ZFX: variants seen among roughly 807,000 people sequenced by gnomAD.
ZFX encodes the protein zinc finger protein X-linked, also known as zinc finger X-chromosomal protein.
For missense variants in ZFX, 362 were observed against 628.3 expected, an observed-to-expected ratio of 0.58 and a Z score of 4.53; for synonymous variants, 196 against 226.8, an observed-to-expected ratio of 0.86 and a Z score of 1.22.
chrX:24,184,991 C>A (rs750895601), intron 5 of ZFX, among the ~76,000 whole-genome samples: 1 of 112,079 alleles, frequency 8.9e-6, no homozygotes, highest in Non-Finnish European at 1.9e-5. Flanking sequence ...CGCTCCCTTA[C>A]CCAGGCTGGG....
intron 5 of ZFX, among the ~76,000 whole-genome samples, chrX:24,197,956 A>G (rs1003991608): frequency 8.9e-6 from 1 of 111,895 alleles, no homozygotes; most frequent in Non-Finnish European, 1.9e-5. Context: ...TGGGGGAACT[A>G]TTTGGTATTG....
intron 3 of ZFX, among the ~76,000 whole-genome samples, chrX:24,171,905 G>GAGAGAGAGA (rs1491416209): frequency 2.4e-4 from 10 of 41,920 alleles, no homozygotes; most frequent in African/African-American, 7.7e-4. Context: ...AGAGAGAGAA[G>GAGAGAGAGA]GAGAGAGAGA....
intron 4 of ZFX, among the ~76,000 whole-genome samples, chrX:24,178,787 C>T (rs1423506306): frequency 9.0e-6 from 1 of 111,048 alleles, no homozygotes; most frequent in Non-Finnish European, 1.9e-5. Flanking sequence ...ACAATGTTAC[C>T]CAGGCTGGTC....
At chrX:24,167,981 G>C (rs1354579700) in intron 3 of ZFX, among the ~76,000 whole-genome samples, 1 of 111,495 alleles carries the variant, frequency 9.0e-6, no homozygotes, top group Non-Finnish European at 1.9e-5. Context: ...TACTGGCTTT[G>C]AGATGAATTT....
rs2148069063 is a variant in ZFX at position 24,211,495 on chromosome X, AATT to A, written c.*124_*126del. 3.5e-6 allele frequency: 3 copies of A among 866,579 alleles called. No homozygotes were observed. Among genetic ancestry groups the A allele is most frequent in the South Asian group, 5.4e-5 (2 of 36,985 alleles). The allele number at this position is 866,579 out of a possible 1,213,427, so 71.4% of individuals were successfully genotyped here. The stretch of plus-strand genomic sequence containing the variant: ...ATTGATTTATGCTGTGTACAAATAG[AATT>A]ATTACTTCTAGTTGACTTTTTTTTA... On this transcript the variant is annotated 3_prime_UTR_variant, in exon 10 of 10. Coordinates refer to ENST00000304543, the MANE Select transcript of ZFX (RefSeq NM_003410.4).
In ZFX at chrX:24,211,514, CTTT is replaced by C; in HGVS notation, c.*144_*146del. The C allele has an allele frequency of 2.5e-6, 2 of 786,659 alleles. No homozygotes were observed. The highest frequency in any genetic ancestry group is 3.5e-4 in the Middle Eastern group (1 of 2,853). The allele number at this position is 786,659 out of a possible 1,213,427, so 64.8% of individuals were successfully genotyped here. The stretch of plus-strand genomic sequence containing the variant: ...AAATAGAATTATTACTTCTAGTTGA[CTTT>C]TTTTTAAATATACATTTTGCTCAGT... On this transcript the variant is annotated 3_prime_UTR_variant, in exon 10 of 10. Transcript: ENST00000304543.
chrX:24,209,582 A>AT (rs371656374), intron 9 of ZFX, among the ~76,000 whole-genome samples: 23 of 110,264 alleles, frequency 2.1e-4, no homozygotes, highest in Admixed American at 4.8e-4. Context: ...TTATTTACTT[A>AT]TTTTTTTTTG....
At chrX:24,184,952 T>C (rs938165857) in intron 5 of ZFX, among the ~76,000 whole-genome samples, 26 of 82,099 alleles carry the variant, frequency 3.2e-4, no homozygotes, top group Non-Finnish European at 5.7e-4. Context: ...TCTTTTGTCT[T>C]CTCTATTATT....
intron 2 of ZFX, among the ~76,000 whole-genome samples, chrX:24,152,413 A>G (rs1661499138): frequency 9.0e-6 from 1 of 111,639 alleles, no homozygotes; most frequent in South Asian, 3.7e-4. Flanking sequence ...GATTACAGGC[A>G]TGAACCACCG....
chrX:24,208,330 A>C lies in ZFX; in HGVS notation c.1053A>C (p.Glu351Asp). Reference sequence around the variant, plus strand: ...ACGAGCAGCAAATGGATGACAATGAAATCAAAACCTTCATGCCGATTGCAT... The same window carrying C: ...ACGAGCAGCAAATGGATGACAATGACATCAAAACCTTCATGCCGATTGCAT... ...AVHEQQMDDN[E>D]IKTFMPIAWA... is the part of the protein sequence containing the mutation. The change falls in exon 8 of 10, where the codon GAA becomes GAC. Residue 351 changes from glutamate to aspartate, a missense_variant. Coordinates refer to ENST00000304543, the MANE Select transcript of ZFX (RefSeq NM_003410.4). 8.3e-7 allele frequency: 1 copy of C among 1,210,203 alleles called. No individual in the cohort carries two copies. The highest frequency in any genetic ancestry group is 1.1e-6 in the Non-Finnish European group (1 of 895,079).
At chrX:24,152,138 ATT>A (rs76741578) in intron 2 of ZFX, among the ~76,000 whole-genome samples, 2 of 100,095 alleles carry the variant, frequency 2.0e-5, no homozygotes, top group Non-Finnish European at 2.0e-5. Flanking sequence ...TCCCGTGGTA[ATT>A]TTTTTTTTTT....
intron 3 of ZFX, among the ~76,000 whole-genome samples, chrX:24,169,271 C>T (rs1052047151): frequency 9.0e-6 from 1 of 111,509 alleles, no homozygotes; most frequent in African/African-American, 3.3e-5. Context: ...AGGAAATGCA[C>T]GTGATGTAAA....
chrX:24,151,501 C>T (rs1484482752), intron 1 of ZFX, 190 bp from the exon 2 acceptor site: 1 of 110,891 alleles, frequency 9.0e-6, no homozygotes, highest in African/African-American at 3.3e-5. Context: ...TACAGTTTGG[C>T]AAAAGTGGAT....
At position 24,174,105 on chromosome X, in the gene ZFX, C is replaced by T. The variant is rs763088252; in HGVS notation, c.58+1305C>T. Among the ~76,000 whole-genome samples, 19 of 109,772 alleles carry T rather than the reference C, an allele frequency of 1.7e-4. No homozygotes were observed. In the East Asian group the frequency reaches 4.4e-3, roughly 25 times the overall value. ...GTGCACACTTGTAATCCCAGCTACT[C>T]GGGAGGCTGAGGCCTGAGAATCGGT... On this transcript the variant is annotated intron_variant, in intron 4 of 9. Coordinates refer to ENST00000304543, the MANE Select transcript of ZFX (RefSeq NM_003410.4).
chrX:24,149,557 G>A, upstream of ZFX: 1 of 111,310 alleles, frequency 9.0e-6, no homozygotes, highest in Non-Finnish European at 1.9e-5. Context: ...GGACCCACCG[G>A]GCGGAGGAGG....
chrX:24,211,202 G>T lies in ZFX; in HGVS notation c.2244G>T (p.Gln748His), dbSNP rs777469791. Residue 748 changes from glutamine (Q) to histidine (H), a missense_variant, in exon 10 of 10, where the codon CAG becomes CAT. Coordinates refer to ENST00000304543, the MANE Select transcript of ZFX (RefSeq NM_003410.4). ...MKTHSGRKVY[Q>H]CEYCEYSTTD... ...CACACAGTGGCAGGAAAGTGTATCAGTGTGAGTACTGTGAGTATAGCACTA... is the reference window on the plus strand; with the variant it reads ...CACACAGTGGCAGGAAAGTGTATCATTGTGAGTACTGTGAGTATAGCACTA... 9 of 1,212,378 alleles carry T rather than the reference G, an allele frequency of 7.4e-6. No homozygotes were observed. In the Admixed American group the frequency reaches 2.0e-4, roughly 26 times the overall value.
chrX:24,152,285 G>C (rs1001905013), intron 2 of ZFX, among the ~76,000 whole-genome samples: 1 of 109,718 alleles, frequency 9.1e-6, no homozygotes, highest in Non-Finnish European at 1.9e-5. Flanking sequence ...ACAGGACCCT[G>C]CCACCATGCC....
At chrX:24,185,687 C>T (rs1936049648) in intron 5 of ZFX, among the ~76,000 whole-genome samples, 1 of 112,456 alleles carries the variant, frequency 8.9e-6, no homozygotes, top group Non-Finnish European at 1.9e-5. Context: ...TGGCCTCAAG[C>T]GACCTGCTCA....
rs79996399 is a variant in ZFX, at chrX:24,158,339, TCAAA to T, written c.-29+5526_-29+5529del. On this transcript the variant is annotated intron_variant, in intron 3 of 9. Coordinates refer to ENST00000304543, the MANE Select transcript of ZFX (RefSeq NM_003410.4). ...GAGGCCGAGACGGGTGGACTTTGTCTCAAACAAACAAACAAACAAAACAAACCAA... is the reference window on the plus strand; with the variant it reads ...GAGGCCGAGACGGGTGGACTTTGTCTCAAACAAACAAACAAAACAAACCAA... Among the ~76,000 whole-genome samples, 997 of 110,847 alleles carry T rather than the reference TCAAA, an allele frequency of 9.0e-3. 16 individuals are homozygous for T. Among genetic ancestry groups the T allele is most frequent in the African/African-American group, 0.03 (914 of 30,488 alleles).
Sources: gnomAD v4.1 joint callset for allele counts (sites outside exome capture counted in the v4.1 genomes callset) on GRCh38, gnomAD v4.1.1 for gene constraint, MANE v1.5 for transcripts, NCBI Gene and HGNC (gene_info 2026-07-23, HGNC 2026-07-21) for gene names.